The following STAT4 variants were observed in gnomAD, a reference collection of about 807,000 sequenced individuals.
The protein encoded by STAT4 is signal transducer and activator of transcription 4.
Under a neutral mutation model 110.5 loss-of-function variants are expected in STAT4, and 42 were observed. The ratio of observed to expected loss-of-function variants is 0.38; its 90% CI spans 0.30 to 0.49. The LOEUF (loss-of-function observed/expected upper bound fraction) is 0.49, where lower values mean the gene tolerates loss of function less well. Ranked by LOEUF, STAT4 falls within the 20% of genes least tolerant of loss-of-function variation. The pLI is 0.95. For missense variants in STAT4, 632 were observed against 887.9 expected (o/e 0.71, Z 3.66); for synonymous variants, 284 against 302.2 (o/e 0.94, Z 0.63).
intron 3 of STAT4, among the ~76,000 whole-genome samples, chr2:191,130,210 G>A (rs1698993803): frequency 7.0e-6 from 1 of 141,978 alleles, no homozygotes; most frequent in Non-Finnish European, 1.5e-5. Context: ...TTGGCTTTCA[G>A]TCTATCTCCC....
At chr2:191,087,609 A>G (rs979571293) in intron 3 of STAT4, among the ~76,000 whole-genome samples, 1 of 152,146 alleles carries the variant, frequency 6.6e-6, no homozygotes, top group Admixed American at 6.6e-5. Context: ...TCATTTACAT[A>G]ACAAGGCCAC....
At chr2:191,057,581 C>CT (rs56816363) in intron 13 of STAT4, among the ~76,000 whole-genome samples, 6 of 121,322 alleles carry the variant, frequency 4.9e-5, no homozygotes, top group African/African-American at 1.5e-4. Flanking sequence ...AATTTCTTTT[C>CT]TTTTTTTTTT....
Position 191,077,322 on chromosome 2 carries a change from C to T in STAT4, c.274-997G>A, listed in dbSNP as rs1697343719. Among the ~76,000 whole-genome samples, 3 of 152,168 alleles carry T rather than the reference C, an allele frequency of 2.0e-5. No homozygotes were observed. In the South Asian group the frequency reaches 6.2e-4, roughly 32 times the overall value. On this transcript the variant is annotated intron_variant, in intron 3 of 23. Transcript: ENST00000392320. This position sits in a 1 kb window ranked among gnomAD's most constrained non-coding sequence, Gnocchi z 4.1. ...GCACTCATTTACCTTACCTGCAAGG[C>T]CTCTGTAGGTGTCTGAGTTTTCTAA...
intron 7 of STAT4, among the ~76,000 whole-genome samples, chr2:191,065,181 A>G (rs1696955032): frequency 6.6e-6 from 1 of 152,232 alleles, no homozygotes; most frequent in Non-Finnish European, 1.5e-5. Context: ...TAACATTCTC[A>G]TCGTGTTTCA....
At position 191,086,831 on chromosome 2, in the gene STAT4, T is replaced by G. The variant is rs1697648084; in HGVS notation, c.274-10506A>C. Among the ~76,000 whole-genome samples the G allele has an allele frequency of 6.6e-6, 1 of 152,300 alleles. No homozygotes were observed. Among genetic ancestry groups the G allele is most frequent in the Middle Eastern group, 3.4e-3 (1 of 294 alleles). On this transcript the variant is annotated intron_variant, in intron 3 of 23. Coordinates refer to ENST00000392320, the MANE Select transcript of STAT4 (RefSeq NM_003151.4). This position sits in a 1 kb window ranked among gnomAD's most constrained non-coding sequence, Gnocchi z 5.5. ...AAACTGAAGCTAGGCAATTTAAACCTCAGGAGAAAATAACAGCAACTGTTA... is the reference window on the plus strand; with the variant it reads ...AAACTGAAGCTAGGCAATTTAAACCGCAGGAGAAAATAACAGCAACTGTTA...
chr2:191,078,544 A>G (rs1444016206), intron 3 of STAT4, among the ~76,000 whole-genome samples: 1 of 152,178 alleles, frequency 6.6e-6, no homozygotes, highest in Non-Finnish European at 1.5e-5. Context: ...TGATCATTAT[A>G]GATTCAGTAA....
rs1696012219 is a variant in STAT4 at position 191,035,263 on chromosome 2, T to C, written c.1571-666A>G. Reference sequence around the variant, plus strand: ...TCTAACAAATGTTTATTGAATGCTATTGCTGCTTATGAATTAAATAAGGAT... The same window carrying C: ...TCTAACAAATGTTTATTGAATGCTACTGCTGCTTATGAATTAAATAAGGAT... On this transcript the variant is annotated intron_variant, in intron 17 of 23. Transcript: ENST00000392320. The surrounding 1 kb of genome is among the most constrained non-coding windows in gnomAD (Gnocchi z 4.7). Among the ~76,000 whole-genome samples, 1 of 152,264 alleles carries C rather than the reference T, an allele frequency of 6.6e-6. No individual in the cohort carries two copies. The highest frequency in any genetic ancestry group is 2.4e-5 in the African/African-American group (1 of 41,474).
intron 3 of STAT4, among the ~76,000 whole-genome samples, chr2:191,115,365 T>C (rs1243348543): frequency 6.6e-6 from 1 of 152,178 alleles, no homozygotes; most frequent in African/African-American, 2.4e-5. Context: ...AAAATAATTC[T>C]TTGGAGGTTA....
At chr2:191,064,666 T>C in intron 8 of STAT4, 141 bp downstream of exon 8, 1 of 1,038,582 alleles carries the variant, frequency 9.6e-7, no homozygotes, top group Non-Finnish European at 1.4e-6. Flanking sequence ...TTTTCAACTG[T>C]AGATTTCTCA....
chr2:191,051,662 A>C lies in STAT4; in HGVS notation c.1251+2828T>G, dbSNP rs998748705. ...ATTTCGGAGCAGGTGGGTGAGGTGC[A>C]GACACTCTGTGAGATAGATGGGGTG... On this transcript the variant is annotated intron_variant, in intron 14 of 23. Transcript: ENST00000392320. The surrounding 1 kb of genome is among the most constrained non-coding windows in gnomAD (Gnocchi z 5.6). Among the ~76,000 whole-genome samples the C allele has an allele frequency of 6.6e-6, 1 of 152,198 alleles. No homozygotes were observed. Among genetic ancestry groups the C allele is most frequent in the Non-Finnish European group, 1.5e-5 (1 of 68,030 alleles).
rs1699227115 is a variant in STAT4 at position 191,138,075 on chromosome 2, T to A, written c.273+8538A>T. 6.6e-6 allele frequency among the ~76,000 whole-genome samples: 1 copy of A among 152,148 alleles called. No homozygotes were observed. Among genetic ancestry groups the A allele is most frequent in the Non-Finnish European group, 1.5e-5 (1 of 68,016 alleles). On this transcript the variant is annotated intron_variant, in intron 3 of 23. Transcript: ENST00000392320. This position sits in a 1 kb window ranked among gnomAD's most constrained non-coding sequence, Gnocchi z 4.3. ...CAATCAGCAGAGTGAAGAGACAATC[T>A]GCTGAATGGGAGAAAATATTTGCAA...
At chr2:191,129,152 TA>T (rs537329021) in intron 3 of STAT4, among the ~76,000 whole-genome samples, 2 of 151,500 alleles carry the variant, frequency 1.3e-5, no homozygotes, top group Non-Finnish European at 2.9e-5. Flanking sequence ...GCATACCCAG[TA>T]AAAAAAACAC....
intron 18 of STAT4, 63 bp downstream of exon 18, chr2:191,034,485 A>G (rs1695990361): frequency 7.9e-7 from 1 of 1,259,484 alleles, no homozygotes; most frequent in Admixed American, 1.7e-5. Context: ...GTAGTAATAG[A>G]CTTAGAAAGG....
Position 191,146,820 on chromosome 2 carries a change from C to T in STAT4, c.129-63G>A. ...CTTTGTAAAATGTCTACTTTTTTAC[C>T]ATACTAACTTTAAAACAATAAACCT... On this transcript the variant is annotated intron_variant, in intron 2 of 23. Transcript: ENST00000392320. The surrounding 1 kb of genome is among the most constrained non-coding windows in gnomAD (Gnocchi z 4.5). 1 of 1,404,510 alleles carries T rather than the reference C, an allele frequency of 7.1e-7. No individual in the cohort carries two copies. The highest frequency in any genetic ancestry group is 9.4e-7 in the Non-Finnish European group (1 of 1,068,042). The allele number at this position is 1,404,510 out of a possible 1,614,324, so 87.0% of individuals were successfully genotyped here.
chr2:191,085,013 T>C (rs1298789108), intron 3 of STAT4, among the ~76,000 whole-genome samples: 1 of 151,796 alleles, frequency 6.6e-6, no homozygotes, highest in Non-Finnish European at 1.5e-5. Context: ...TTGTGTAATA[T>C]TAGAAAATAG....
Position 191,031,268 on chromosome 2 carries a change from T to C in STAT4, c.2111+182A>G. 1 of 896,176 alleles carries C rather than the reference T, an allele frequency of 1.1e-6. No individual in the cohort carries two copies. The highest frequency in any genetic ancestry group is 1.7e-6 in the Non-Finnish European group (1 of 594,578). The allele number at this position is 896,176 out of a possible 1,614,324, so 55.5% of individuals were successfully genotyped here. A position where few individuals can be genotyped will look rare whatever the true frequency, so the allele number is the denominator to read the frequency against. ...TATGGCATATAAAAGGGGAATTTTA[T>C]AATTTTAGGCACAATAGATTGTGGT... is the stretch of plus-strand genomic sequence containing the variant. On this transcript the variant is annotated intron_variant, in intron 22 of 23. Coordinates refer to ENST00000392320, the MANE Select transcript of STAT4 (RefSeq NM_003151.4). This position sits in a 1 kb window ranked among gnomAD's most constrained non-coding sequence, Gnocchi z 4.8.
intron 3 of STAT4, among the ~76,000 whole-genome samples, chr2:191,101,311 C>T (rs1186849818): frequency 1.3e-5 from 2 of 152,068 alleles, no homozygotes; most frequent in Non-Finnish European, 2.9e-5. Context: ...TTTTTATAAA[C>T]ACTTATGTAC....
chr2:191,114,188 C>T (rs1178815418), intron 3 of STAT4, among the ~76,000 whole-genome samples: 1 of 152,180 alleles, frequency 6.6e-6, no homozygotes, highest in Non-Finnish European at 1.5e-5. Context: ...GTATTCAATA[C>T]TCAACTGCTA....
rs1333172736 is a variant in STAT4, at chr2:191,138,474, C to T, written c.273+8139G>A. 6.6e-6 allele frequency among the ~76,000 whole-genome samples: 1 copy of T among 152,068 alleles called. No individual in the cohort carries two copies. Among genetic ancestry groups the T allele is most frequent in the African/African-American group, 2.4e-5 (1 of 41,428 alleles). On this transcript the variant is annotated intron_variant, in intron 3 of 23. Transcript: ENST00000392320. This position sits in a 1 kb window ranked among gnomAD's most constrained non-coding sequence, Gnocchi z 4.3. ...AAAGATTAGCTAAGGCTATTATGAA[C>T]ACTTTTATGTGCACAAACTAGGAAA...
Sources: gnomAD v4.1 joint callset for allele counts (sites outside exome capture counted in the v4.1 genomes callset) on GRCh38, gnomAD v4.1.1 for gene constraint, Gnocchi (gnomAD v3.1) non-coding constraint, MANE v1.5 for transcripts, NCBI Gene and HGNC (gene_info 2026-07-23, HGNC 2026-07-21) for gene names.